The following EP300 variants were observed in gnomAD, a reference collection of about 807,000 sequenced individuals.
The protein encoded by EP300 is EP300 lysine acetyltransferase.
A neutral mutation model predicts 264.0 loss-of-function variants in EP300; 31 were observed. That is an observed-to-expected ratio of 0.12 (90% CI 0.09 to 0.16). The LOEUF is 0.16. Among genes scored for constraint, EP300 ranks in the 10% least tolerant of loss-of-function variants. The probability of loss-of-function intolerance (pLI) is 1.00; values close to 1 mark genes in which losing one functional copy is unlikely to be tolerated. For synonymous variants in EP300, 1,340 were observed against 1,045.4 expected, an observed-to-expected ratio of 1.28 and a Z score of -5.44; for missense variants, 2,766 against 3,052.9, an observed-to-expected ratio of 0.91 and a Z score of 2.21.
Position 41,178,401 on chromosome 22 carries a change from C to T in EP300, c.6690C>T (p.His2230=). 6.2e-7 allele frequency: 1 copy of T among 1,614,184 alleles called. No homozygotes were observed. Among genetic ancestry groups the T allele is most frequent in the Non-Finnish European group, 8.5e-7 (1 of 1,180,032 alleles). Residue 2230 remains histidine (H), a synonymous_variant, in exon 31 of 31, where the codon CAC becomes CAT. Coordinates refer to ENST00000263253, the MANE Select transcript of EP300 (RefSeq NM_001429.4). ...AGCAGCAGCAGCGGATGCAGCATCA[C>T]ATGCAACAGATGCAACAAGGAAATA... ...PPQQQQRMQH[H]MQQMQQGNMG...
intron 1 of EP300, among the ~76,000 whole-genome samples, chr22:41,097,722 A>AT (rs942901216): frequency 5.3e-5 from 8 of 152,112 alleles, no homozygotes; most frequent in Non-Finnish European, 8.8e-5. Context: ...AAAGTTGAAT[A>AT]TTTTTTTAAG....
chr22:41,105,210 A>G (rs2058752068), intron 1 of EP300, among the ~76,000 whole-genome samples: 1 of 146,886 alleles, frequency 6.8e-6, no homozygotes. Context: ...AAAAAAAAAA[A>G]AAAAAAAAAA....
rs1295897899 is a variant in EP300, at chr22:41,177,886, A to G, written c.6175A>G (p.Arg2059Gly). The G allele has an allele frequency of 1.9e-6, 3 of 1,614,164 alleles. No individual in the cohort carries two copies. Residue 2059 changes from arginine (R) to glycine (G), a missense_variant, in exon 31 of 31, where the codon AGG becomes GGG. Physicochemically the swap from Arg to Gly is moderately radical, Grantham distance 125. Transcript: ENST00000263253. ...CTTACAAAACCTTTTGCGGACTCTC[A>G]GGTCTCCCAGCTCTCCCCTGCAGCA... ...QALQNLLRTL[R>G]SPSSPLQQQQ...
intron 28 of EP300, among the ~76,000 whole-genome samples, chr22:41,173,411 T>C (rs1255110158): frequency 2.0e-5 from 3 of 152,168 alleles, no homozygotes; most frequent in Non-Finnish European, 4.4e-5. Flanking sequence ...GGCAAAAAGC[T>C]AAAGGGCTGC....
In EP300 at chr22:41,177,711, G is replaced by T. The variant is rs748603241; in HGVS notation, c.6000G>T (p.Leu2000Phe). 1.1e-5 allele frequency: 17 copies of T among 1,613,728 alleles called. No individual in the cohort carries two copies. The highest frequency in any genetic ancestry group is 1.4e-5 in the Non-Finnish European group (16 of 1,180,008). ...AGCCACCCTGGAGCCAAGGAGGATT[G>T]CCTCAGCCCCAGCAACTACAGTCTG... is the stretch of plus-strand genomic sequence containing the variant. ...QQQPPWSQGG[L>F]PQPQQLQSGM... is the part of the protein sequence containing the mutation. Residue 2000 changes from leucine (L) to phenylalanine (F), a missense_variant, in exon 31 of 31, where the codon TTG becomes TTT. By Grantham distance (22) the Leu-to-Phe change is conservative. Transcript: ENST00000263253.
chr22:41,173,579 T>A, intron 28 of EP300, 44 bp from the exon 29 acceptor site: 1 of 1,607,892 alleles, frequency 6.2e-7, no homozygotes, highest in Non-Finnish European at 8.5e-7. Flanking sequence ...CCAAATTACT[T>A]AACAAAAACC....
At chr22:41,114,224 C>T (rs1331592984) in intron 1 of EP300, among the ~76,000 whole-genome samples, 2 of 152,090 alleles carry the variant, frequency 1.3e-5, no homozygotes, top group Non-Finnish European at 2.9e-5. Flanking sequence ...CTCTGTCACC[C>T]AGGCTAGAGT....
chr22:41,163,938 T>G, intron 21 of EP300, 115 bp from the exon 22 acceptor site: 1 of 962,422 alleles, frequency 1.0e-6, no homozygotes, highest in Non-Finnish European at 1.7e-6. Context: ...TTAAAACTAT[T>G]TTCAGTTCTT....
rs765552806 is a variant in EP300, at chr22:41,177,066, C to T, written c.5355C>T (p.Leu1785=). The T allele has an allele frequency of 3.7e-6, 6 of 1,614,142 alleles. No homozygotes were observed. The highest frequency in any genetic ancestry group is 5.1e-6 in the Non-Finnish European group (6 of 1,180,030). ...GCGGGTGCCCCATCTGCAAGCAGCT[C>T]ATTGCCCTCTGCTGCTACCATGCCA... ...TNGGCPICKQ[L]IALCCYHAKH... The change falls in exon 31 of 31, where the codon CTC becomes CTT. Residue 1785 remains leucine (L), a synonymous_variant. Coordinates refer to ENST00000263253, the MANE Select transcript of EP300 (RefSeq NM_001429.4).
At chr22:41,175,124 C>T (rs2059192826) in intron 29 of EP300, among the ~76,000 whole-genome samples, 1 of 152,130 alleles carries the variant, frequency 6.6e-6, no homozygotes. Context: ...CCACAGAATC[C>T]TAGGCAGTTG....
intron 1 of EP300, among the ~76,000 whole-genome samples, chr22:41,104,336 C>T (rs2058746681): frequency 6.6e-6 from 1 of 151,762 alleles, no homozygotes; most frequent in African/African-American, 2.4e-5. Context: ...GTTGCCCAGG[C>T]TGGAGTGCAG....
chr22:41,139,398 A>G (rs967551370), intron 8 of EP300, among the ~76,000 whole-genome samples: 1 of 152,214 alleles, frequency 6.6e-6, no homozygotes. Flanking sequence ...TAATGGACAG[A>G]GATGATTATT....
At chr22:41,166,502 T>TA in intron 22 of EP300, 97 bp from the exon 23 acceptor site, 1 of 936,548 alleles carries the variant, frequency 1.1e-6, no homozygotes, top group Non-Finnish European at 1.7e-6. Context: ...AATTTAGAAA[T>TA]ACTTCTGCTA....
chr22:41,154,430 G>A (rs932094777), intron 16 of EP300, among the ~76,000 whole-genome samples: 1 of 129,596 alleles, frequency 7.7e-6, no homozygotes, highest in Non-Finnish European at 1.5e-5. Context: ...TGCCTAGGCT[G>A]GAGTGCAGTG....
At chr22:41,175,376 ATTAC>A (rs2145509961) in intron 29 of EP300, among the ~76,000 whole-genome samples, 1 of 152,318 alleles carries the variant, frequency 6.6e-6, no homozygotes, top group East Asian at 1.9e-4. Context: ...TTTACATTTT[ATTAC>A]TTTAATAGGT....
intron 1 of EP300, among the ~76,000 whole-genome samples, chr22:41,102,015 CTTTT>C (rs773184228): frequency 7.0e-6 from 1 of 142,394 alleles, no homozygotes; most frequent in Non-Finnish European, 1.5e-5. Flanking sequence ...TTTTCTGTTG[CTTTT>C]TTTTCTTTTC....
Position 41,100,757 on chromosome 22 carries a change from G to T in EP300, c.94+7659G>T, listed in dbSNP as rs188434795. On this transcript the variant is annotated intron_variant, in intron 1 of 30. Transcript: ENST00000263253. ...ATACTACATGTCCCCTTTATATCAGGGACTGGAGCATCCTCAGATTTTGGT... is the reference window on the plus strand; with the variant it reads ...ATACTACATGTCCCCTTTATATCAGTGACTGGAGCATCCTCAGATTTTGGT... Among the ~76,000 whole-genome samples, 153 of 152,146 alleles carry T rather than the reference G, an allele frequency of 1.0e-3. 1 individual carries two copies. The highest frequency in any genetic ancestry group is 3.6e-3 in the African/African-American group (150 of 41,496).
At chr22:41,100,229 T>A (rs1173076061) in intron 1 of EP300, among the ~76,000 whole-genome samples, 2 of 152,080 alleles carry the variant, frequency 1.3e-5, no homozygotes, top group African/African-American at 2.4e-5. Context: ...ATAGCAAGAC[T>A]CTGTTTCTAA....
intron 30 of EP300, 46 bp downstream of exon 30, chr22:41,176,574 G>T (rs751447959): frequency 9.3e-6 from 15 of 1,612,080 alleles, no homozygotes; most frequent in Admixed American, 3.3e-5. Context: ...CCGCAGGGTT[G>T]TTCTGAGGGG....
Sources: allele counts gnomAD v4.1 joint callset (sites outside exome capture counted in the v4.1 genomes callset), GRCh38; gene constraint gnomAD v4.1.1; transcripts MANE v1.5; gene names NCBI Gene and HGNC (gene_info 2026-07-23, HGNC 2026-07-21).